TARBP1: variants seen among roughly 807,000 people sequenced by gnomAD.
TARBP1 encodes the protein tRNA (guanosine(18)-2'-O)-methyltransferase TARBP1.
A neutral mutation model predicts 178.6 loss-of-function variants in TARBP1; 144 were observed. That is an observed-to-expected ratio of 0.81 (90% CI 0.70 to 0.93). The LOEUF (loss-of-function observed/expected upper bound fraction) is 0.93, where lower values mean the gene tolerates loss of function less well. Among genes scored for constraint, TARBP1 ranks in the 40% least tolerant of loss-of-function variants. The pLI, the probability that TARBP1 is intolerant of heterozygous loss-of-function variation, is 0.00. For synonymous variants in TARBP1, 787 were observed against 781.0 expected, an observed-to-expected ratio of 1.01 and a Z score of -0.13; for missense variants, 2,067 against 2,011.7, an observed-to-expected ratio of 1.03 and a Z score of -0.53.
At chr1:234,447,719 T>C (rs945829279) in intron 11 of TARBP1, among the ~76,000 whole-genome samples, 5 of 152,162 alleles carry the variant, frequency 3.3e-5, no homozygotes, top group African/African-American at 9.7e-5. Flanking sequence ...ATGCTGCTTA[T>C]TGCAAAACAA....
chr1:234,471,150 TA>T (rs1669014812), intron 3 of TARBP1, 37 bp downstream of exon 3: 3 of 1,460,524 alleles, frequency 2.1e-6, no homozygotes, highest in Admixed American at 2.1e-5. Context: ...GGGAAAACCA[TA>T]AATGTTATTA....
At chr1:234,421,859 T>C (rs527637173) in intron 20 of TARBP1, among the ~76,000 whole-genome samples, 1 of 152,246 alleles carries the variant, frequency 6.6e-6, no homozygotes, top group Non-Finnish European at 1.5e-5. Context: ...CATTTTCACA[T>C]AGTGTAGATG....
intron 1 of TARBP1, among the ~76,000 whole-genome samples, chr1:234,477,003 C>T (rs1177502138): frequency 6.6e-6 from 1 of 152,174 alleles, no homozygotes; most frequent in African/African-American, 2.4e-5. Flanking sequence ...CTGACCAACA[C>T]GGTGAAACCC....
At chr1:234,392,375 GGGGC>G in intron 29 of TARBP1, 37 bp downstream of exon 29, 3 of 1,591,978 alleles carry the variant, frequency 1.9e-6, no homozygotes, top group Non-Finnish European at 2.6e-6. Context: ...CCAGTAGTCT[GGGGC>G]TCAGAGAATA....
chr1:234,454,888 G>T (rs1359820840), intron 9 of TARBP1, among the ~76,000 whole-genome samples: 2 of 152,180 alleles, frequency 1.3e-5, no homozygotes, highest in Non-Finnish European at 2.9e-5. Flanking sequence ...CATTATGCTG[G>T]ATTATTTGAG....
At position 234,478,323 on chromosome 1, in the gene TARBP1, G is replaced by C; in HGVS notation, c.781C>G (p.Arg261Gly). 1 of 1,384,650 alleles carries C rather than the reference G, an allele frequency of 7.2e-7. No individual in the cohort carries two copies. The highest frequency in any genetic ancestry group is 9.4e-7 in the Non-Finnish European group (1 of 1,069,174). The allele number at this position is 1,384,650 out of a possible 1,614,324, so 85.8% of individuals were successfully genotyped here. Residue 261 changes from arginine (R) to glycine (G), a missense_variant, in exon 1 of 30, where the codon CGC (arginine) becomes GGC (glycine). Arg to Gly is a moderately radical substitution (Grantham distance 125). Coordinates refer to ENST00000040877, the MANE Select transcript of TARBP1 (RefSeq NM_005646.4). ...ACCGTCCTCCAGAAGCGCCAGCAGC[G>C]CCGGGCGTCCGGGCCCGCCTCGCGC... ...GAREAGPDARRCWRFWRTVQA... is the reference protein window; with the variant it reads ...GAREAGPDARGCWRFWRTVQA...
chr1:234,392,678 T>C (rs1572183283), intron 28 of TARBP1, 126 bp from the exon 29 acceptor site: 4 of 782,282 alleles, frequency 5.1e-6, no homozygotes, highest in Non-Finnish European at 7.7e-6. Context: ...AATTATACAT[T>C]ATAAAAAAGA....
At chr1:234,435,018 C>T (rs73101945) in intron 13 of TARBP1, among the ~76,000 whole-genome samples, 3,057 of 152,222 alleles carry the variant, frequency 0.02, 71 homozygotes, top group African/African-American at 0.06. Flanking sequence ...GAAAAAGAGT[C>T]GCTGACATCT....
At chr1:234,454,108 T>C (rs1667060558) in intron 9 of TARBP1, among the ~76,000 whole-genome samples, 1 of 152,246 alleles carries the variant, frequency 6.6e-6, no homozygotes, top group Admixed American at 6.5e-5. Flanking sequence ...TAATATTAGA[T>C]ATTTACATTA....
In TARBP1 at chr1:234,406,056, C is replaced by A; in HGVS notation, c.3836G>T (p.Cys1279Phe). The change falls in exon 24 of 30, where the codon TGT becomes TTT. Residue 1279 changes from cysteine to phenylalanine, a missense_variant. Physicochemically the swap from Cys to Phe is radical, Grantham distance 205. Transcript: ENST00000040877. ...TCGAACACTAAAATTGTGATTGAAA[C>A]ACCACTGCAGCACAACTATAAGGGC... ...KQALIVVLQW[C>F]FNHNFSVRLY... 1 of 1,614,152 alleles carries A rather than the reference C, an allele frequency of 6.2e-7. No homozygotes were observed. Among genetic ancestry groups the A allele is most frequent in the South Asian group, 1.1e-5 (1 of 91,080 alleles).
Position 234,410,572 on chromosome 1 carries a change from T to TGC in TARBP1, c.3706-42_3706-41insGC, listed in dbSNP as rs1226387061. The TGC allele has an allele frequency of 5.4e-6, 7 of 1,297,052 alleles. No homozygotes were observed. The East Asian group carries it at 1.7e-4, about 31-fold the overall frequency. The allele number at this position is 1,297,052 out of a possible 1,614,324, so 80.3% of individuals were successfully genotyped here. On this transcript the variant is annotated intron_variant, in intron 22 of 29. Coordinates refer to ENST00000040877, the MANE Select transcript of TARBP1 (RefSeq NM_005646.4). ...GATAAACAAATATTGATTCAAAGCT[T>TGC]ACTGTGAAACATGCACGTGAAAGCG... is the stretch of plus-strand genomic sequence containing the variant.
chr1:234,435,012 AAG>A (rs1351538456), intron 13 of TARBP1, among the ~76,000 whole-genome samples: 1 of 152,224 alleles, frequency 6.6e-6, no homozygotes, highest in African/African-American at 2.4e-5. Flanking sequence ...GTTTATGAAA[AAG>A]AGTCGCTGAC....
At chr1:234,431,268 T>C (rs930260990) in intron 14 of TARBP1, among the ~76,000 whole-genome samples, 4 of 152,148 alleles carry the variant, frequency 2.6e-5, no homozygotes, top group African/African-American at 9.7e-5. Flanking sequence ...ACATATGAAA[T>C]AGAATTTAGT....
chr1:234,416,485 C>T (rs979655091), intron 22 of TARBP1, among the ~76,000 whole-genome samples: 3 of 152,084 alleles, frequency 2.0e-5, no homozygotes, highest in Admixed American at 6.6e-5. Flanking sequence ...TTAGTAGAGA[C>T]GGGGTTTCAC....
chr1:234,425,438 G>A lies in TARBP1; in HGVS notation c.3444+235C>T, dbSNP rs539874925. ...TCTCACTATGTTGCCCCAGCTGGTC[G>A]CAAACTCCTGGCCTCAAGCAATTCT... On this transcript the variant is annotated intron_variant, in intron 20 of 29. Coordinates refer to ENST00000040877, the MANE Select transcript of TARBP1 (RefSeq NM_005646.4). 1.2e-4 allele frequency among the ~76,000 whole-genome samples: 18 copies of A among 151,868 alleles called. No individual in the cohort carries two copies. In the South Asian group the frequency reaches 2.1e-3, roughly 18 times the overall value.
chr1:234,392,272 G>T, intron 29 of TARBP1, 144 bp downstream of exon 29: 2 of 1,014,886 alleles, frequency 2.0e-6, no homozygotes, highest in Non-Finnish European at 1.4e-6. Context: ...TGAGGCAGAG[G>T]TTGTAGTGAG....
intron 1 of TARBP1, among the ~76,000 whole-genome samples, chr1:234,477,544 A>G (rs1252391581): frequency 6.6e-6 from 1 of 152,268 alleles, no homozygotes; most frequent in Non-Finnish European, 1.5e-5. Context: ...ACTTGAAGGG[A>G]GGCCTTGCTG....
At chr1:234,450,330 A>G in intron 10 of TARBP1, 98 bp downstream of exon 10, 1 of 907,486 alleles carries the variant, frequency 1.1e-6, no homozygotes, top group Non-Finnish European at 1.6e-6. Context: ...AAATCATCAT[A>G]TATTTCGTAA....
At position 234,392,544 on chromosome 1, in the gene TARBP1, TG is replaced by T. The variant is rs1281119276; in HGVS notation, c.4568del (p.Pro1523HisfsTer4). 6.2e-7 allele frequency: 1 copy of T among 1,613,764 alleles called. No homozygotes were observed. Among genetic ancestry groups the T allele is most frequent in the African/African-American group, 1.3e-5 (1 of 74,898 alleles). On this transcript the variant is annotated frameshift_variant, in exon 29 of 30. Coordinates refer to ENST00000040877, the MANE Select transcript of TARBP1 (RefSeq NM_005646.4). LOFTEE classifies it high-confidence loss of function. ...EQWLPLVEVK[P>X]PQLIDYLQQK... ...GCTGCAGATAATCAATTAGCTGAGGTGGTTTTACCTGAATATTAGTTTAAAA... is the reference window on the plus strand; with the variant it reads ...GCTGCAGATAATCAATTAGCTGAGGTGTTTTACCTGAATATTAGTTTAAAA...
Sources: gnomAD v4.1 joint callset for allele counts (sites outside exome capture counted in the v4.1 genomes callset) on GRCh38, gnomAD v4.1.1 for gene constraint, MANE v1.5 for transcripts, NCBI Gene and HGNC (gene_info 2026-07-23, HGNC 2026-07-21) for gene names.